NRXN3: variants seen among roughly 807,000 people sequenced by gnomAD.
NRXN3 encodes neurexin III.
A neutral mutation model predicts 137.6 loss-of-function variants in NRXN3; 32 were observed. The ratio of observed to expected loss-of-function variants is 0.23; its 90% CI spans 0.18 to 0.31. The LOEUF is 0.31. Ranked by LOEUF, NRXN3 falls within the 10% of genes least tolerant of loss-of-function variation. The pLI, the probability that NRXN3 is intolerant of heterozygous loss-of-function variation, is 1.00. For synonymous variants in NRXN3, 798 were observed against 784.5 expected (o/e 1.02, Z -0.29); for missense variants, 1,574 against 2,062.5 (o/e 0.76, Z 4.59).
intron 1 of NRXN3, among the ~76,000 whole-genome samples, chr14:78,194,188 A>T (rs1354324818): frequency 1.4e-4 from 21 of 152,226 alleles, no homozygotes; most frequent in Admixed American, 1.4e-3. Context: ...CCACAGATTC[A>T]TCCCATTGCA....
Position 79,808,282 on chromosome 14 carries a change from ATGT to A in NRXN3, c.4093+3093_4093+3095del, listed in dbSNP as rs1307718789. On this transcript the variant is annotated intron_variant, in intron 20 of 20. Transcript: ENST00000335750. Reference sequence around the variant, plus strand: ...TATATATATATATATATATGTATGTATGTATGTATGTATCTCAGGCTTCACATT... The same window carrying A: ...TATATATATATATATATATGTATGTAATGTATGTATCTCAGGCTTCACATT... Among the ~76,000 whole-genome samples the A allele has an allele frequency of 4.3e-4, 64 of 147,242 alleles. 1 individual carries two copies. Among genetic ancestry groups the A allele is most frequent in the Admixed American group, 4.1e-4 (6 of 14,754 alleles).
intron 10 of NRXN3, among the ~76,000 whole-genome samples, chr14:78,848,307 G>A (rs894113113): frequency 6.6e-6 from 1 of 152,140 alleles, no homozygotes; most frequent in African/African-American, 2.4e-5. Flanking sequence ...AGTGTTCCAT[G>A]TTCTGACACA....
chr14:78,225,122 G>T (rs2064376005), intron 1 of NRXN3, among the ~76,000 whole-genome samples: 2 of 152,268 alleles, frequency 1.3e-5, no homozygotes, highest in Admixed American at 1.3e-4. Flanking sequence ...CCCAGTAATG[G>T]GATGGCTTGG....
chr14:78,622,464 T>G (rs1440496937), intron 4 of NRXN3, among the ~76,000 whole-genome samples: 1 of 152,224 alleles, frequency 6.6e-6, no homozygotes, highest in Non-Finnish European at 1.5e-5. Context: ...CATTTCACTA[T>G]AGCCAAAGGA....
intron 4 of NRXN3, chr14:78,614,925 C>G (rs1389072121): frequency 2.2e-6 from 1 of 456,448 alleles, no homozygotes; most frequent in Non-Finnish European, 4.4e-6. Flanking sequence ...CAAAGCATGA[C>G]TAAGCCTTCT....
At chr14:79,557,773 G>A (rs564607657) in intron 16 of NRXN3, among the ~76,000 whole-genome samples, 2 of 152,122 alleles carry the variant, frequency 1.3e-5, no homozygotes, top group Non-Finnish European at 2.9e-5. Flanking sequence ...TGGGGTGGCT[G>A]TGGAAATTTC....
At chr14:79,565,290 C>T (rs1185219898) in intron 16 of NRXN3, among the ~76,000 whole-genome samples, 2 of 129,556 alleles carry the variant, frequency 1.5e-5, no homozygotes, top group East Asian at 2.4e-4. Context: ...CATATACGCA[C>T]ACATGTGTAT....
chr14:79,462,556 T>A (rs1468762405), intron 15 of NRXN3, among the ~76,000 whole-genome samples: 4 of 149,436 alleles, frequency 2.7e-5, no homozygotes, highest in Non-Finnish European at 5.9e-5. Context: ...TGAGAAAAAA[T>A]TATATTCCTC....
chr14:78,528,833 A>G (rs1389597142), intron 4 of NRXN3, among the ~76,000 whole-genome samples: 1 of 152,084 alleles, frequency 6.6e-6, no homozygotes, highest in East Asian at 1.9e-4. Context: ...TGTGTTTTAA[A>G]TGTTGCATTA....
Position 78,170,456 on chromosome 14 carries a change from C to G in NRXN3, c.-922C>G, listed in dbSNP as rs1004367541. The G allele has an allele frequency of 2.0e-5, 3 of 152,268 alleles. No homozygotes were observed. Among genetic ancestry groups the G allele is most frequent in the Admixed American group, 2.0e-4 (3 of 15,280 alleles). 9.4% of individuals were successfully genotyped at this position (152,268 alleles called of 1,614,324 possible). The stretch of plus-strand genomic sequence containing the variant: ...GGAGAGGCAACCTGTCCTCCCCTCT[C>G]TCAGCCTCGGCATCTCCAGCCACCA... On this transcript the variant is annotated 5_prime_UTR_variant, in exon 1 of 21. Transcript: ENST00000335750.
chr14:78,902,295 C>T (rs574857091), intron 10 of NRXN3, among the ~76,000 whole-genome samples: 20 of 152,150 alleles, frequency 1.3e-4, no homozygotes, highest in Admixed American at 1.3e-3. Flanking sequence ...CTATATTTGA[C>T]TTTAAGACCT....
rs116021380 is a variant in NRXN3 at position 79,400,322 on chromosome 14, G to A, written c.3263-66899G>A. Reference sequence around the variant, plus strand: ...CTACGTAGGCATAGGTCCGACCATTGCTATATTTTCTTATATCTATGAAAT... The same window carrying A: ...CTACGTAGGCATAGGTCCGACCATTACTATATTTTCTTATATCTATGAAAT... On this transcript the variant is annotated intron_variant, in intron 15 of 20. Coordinates refer to ENST00000335750, the MANE Select transcript of NRXN3 (RefSeq NM_001330195.2). 1.4e-3 allele frequency among the ~76,000 whole-genome samples: 206 copies of A among 152,236 alleles called. 1 individual carries two copies. Among genetic ancestry groups the A allele is most frequent in the African/African-American group, 4.8e-3 (199 of 41,550 alleles).
chr14:78,800,210 A>G (rs1290419912), intron 8 of NRXN3, among the ~76,000 whole-genome samples: 2 of 152,190 alleles, frequency 1.3e-5, no homozygotes, highest in Non-Finnish European at 2.9e-5. Flanking sequence ...ACTGTTAAGT[A>G]TACAGCTGGG....
At chr14:78,824,420 T>A (rs2098960546) in intron 10 of NRXN3, among the ~76,000 whole-genome samples, 1 of 152,208 alleles carries the variant, frequency 6.6e-6, no homozygotes, top group Admixed American at 6.5e-5. Context: ...TATTCATCAT[T>A]GTATCTTCAC....
intron 6 of NRXN3, among the ~76,000 whole-genome samples, chr14:78,665,296 A>C (rs2097874792): frequency 6.6e-6 from 1 of 152,178 alleles, no homozygotes; most frequent in Admixed American, 6.6e-5. Context: ...ATGGCTGAGG[A>C]GGCCTCAGGA....
intron 10 of NRXN3, among the ~76,000 whole-genome samples, chr14:78,823,048 G>A (rs1033059067): frequency 2.0e-5 from 3 of 152,148 alleles, no homozygotes; most frequent in Non-Finnish European, 4.4e-5. Context: ...AGTCTCGAAG[G>A]CATTGTCTAT....
chr14:79,796,074 C>G (rs949758592), intron 19 of NRXN3, among the ~76,000 whole-genome samples: 2 of 152,086 alleles, frequency 1.3e-5, no homozygotes, highest in African/African-American at 4.8e-5. Context: ...GGAAACACAG[C>G]CAAGCCTTTC....
chr14:78,716,582 C>G (rs2098435098), intron 8 of NRXN3, among the ~76,000 whole-genome samples: 1 of 152,144 alleles, frequency 6.6e-6, no homozygotes, highest in Non-Finnish European at 1.5e-5. Context: ...CCTGCAGGGT[C>G]TCATCTCTAC....
At chr14:79,374,312 T>C (rs1001561778) in intron 15 of NRXN3, among the ~76,000 whole-genome samples, 1 of 152,076 alleles carries the variant, frequency 6.6e-6, no homozygotes, top group African/African-American at 2.4e-5. Context: ...TTCGTGGCCA[T>C]TGATGGAAGC....
Sources: allele counts gnomAD v4.1 joint callset (sites outside exome capture counted in the v4.1 genomes callset), GRCh38; gene constraint gnomAD v4.1.1; transcripts MANE v1.5; gene names NCBI Gene and HGNC (gene_info 2026-07-23, HGNC 2026-07-21).